KATNBL1: variants seen among roughly 807,000 people sequenced by gnomAD.
KATNBL1 encodes katanin regulatory subunit B1 like 1.
In KATNBL1, 28 loss-of-function variants were observed where a neutral mutation model predicts 44.7. The observed-to-expected ratio is 0.63, with a 90% CI of 0.46 to 0.86. KATNBL1 has a LOEUF of 0.86. KATNBL1 is among the 40% of genes least tolerant of loss of function. KATNBL1 has a pLI of 0.00. For missense variants in KATNBL1, 272 were observed against 350.7 expected (o/e 0.78, Z 1.79); for synonymous variants, 78 against 114.9 (o/e 0.68, Z 2.06).
rs893815227 is a variant in KATNBL1 at position 34,156,131 on chromosome 15, G to C, written c.118-1447C>G. ...ATCTGCTCGGGGGTGTATAAGGGCT[G>C]ACTGGTTGGTGAGCTCTTGGAAAGT... is the stretch of plus-strand genomic sequence containing the variant. On this transcript the variant is annotated intron_variant, in intron 2 of 9. Transcript: ENST00000256544. Among the ~76,000 whole-genome samples, 3 of 152,150 alleles carry C rather than the reference G, an allele frequency of 2.0e-5. No individual in the cohort carries two copies. In the South Asian group the frequency reaches 6.2e-4, roughly 32 times the overall value.
In KATNBL1 at chr15:34,152,965, T is replaced by G; in HGVS notation, c.263A>C (p.Gln88Pro). 1 of 1,614,156 alleles carries G rather than the reference T, an allele frequency of 6.2e-7. No individual in the cohort carries two copies. The highest frequency in any genetic ancestry group is 8.5e-7 in the Non-Finnish European group (1 of 1,179,980). ...PFPNPCYRKK[Q>P]SPGSGGCDMA... The stretch of plus-strand genomic sequence containing the variant: ...GTCACAGCCCCCACTTCCAGGGGAC[T>G]GTTTTTTTCTGTAACAAGGATTTGG... Residue 88 changes from glutamine (Q) to proline (P), a missense_variant, in exon 4 of 10, where the codon CAG (glutamine) becomes CCG (proline). By Grantham distance (76) the Gln-to-Pro change is moderately conservative. Around this residue, in one of 3 missense-constraint regions of KATNBL1, gnomAD observed 122 missense variants for 125.0 expected, o/e 0.98. Coordinates refer to ENST00000256544, the MANE Select transcript of KATNBL1 (RefSeq NM_024713.3).
In KATNBL1 at chr15:34,147,450, A is replaced by G. The variant is rs1320256801; in HGVS notation, c.558-20T>C. On this transcript the variant is annotated intron_variant, in intron 5 of 9. Coordinates refer to ENST00000256544, the MANE Select transcript of KATNBL1 (RefSeq NM_024713.3). The stretch of plus-strand genomic sequence containing the variant: ...TCTATCCTGAGAGTATAAAAAGAAT[A>G]GCATTGCCTTAGAGAGCTGATTTCC... 1 of 1,600,984 alleles carries G rather than the reference A, an allele frequency of 6.2e-7. No homozygotes were observed. Among genetic ancestry groups the G allele is most frequent in the East Asian group, 2.2e-5 (1 of 44,812 alleles).
intron 1 of KATNBL1, chr15:34,199,803 G>T (rs1348566616): frequency 6.6e-6 from 1 of 152,066 alleles, no homozygotes; most frequent in Non-Finnish European, 1.5e-5. Flanking sequence ...CCCAAACAGT[G>T]AGCAACAGCA....
intron 1 of KATNBL1, among the ~76,000 whole-genome samples, chr15:34,183,551 A>C (rs1411309750): frequency 6.6e-6 from 1 of 152,204 alleles, no homozygotes; most frequent in African/African-American, 2.4e-5. Flanking sequence ...ACTTTTTTAA[A>C]TCTATTAAAG....
intron 1 of KATNBL1, among the ~76,000 whole-genome samples, chr15:34,183,996 C>T (rs1458759887): frequency 1.3e-5 from 2 of 152,000 alleles, no homozygotes; most frequent in Non-Finnish European, 2.9e-5. Context: ...TGGTGAAACC[C>T]CATCTCTACT....
At chr15:34,153,454 A>C (rs1028630933) in intron 3 of KATNBL1, among the ~76,000 whole-genome samples, 3 of 152,236 alleles carry the variant, frequency 2.0e-5, no homozygotes, top group Non-Finnish European at 4.4e-5. Flanking sequence ...ATTAAGCTGA[A>C]GTATATTGAT....
intron 1 of KATNBL1, among the ~76,000 whole-genome samples, chr15:34,204,983 G>A (rs975738582): frequency 1.4e-4 from 21 of 151,702 alleles, no homozygotes; most frequent in African/African-American, 4.6e-4. Flanking sequence ...AAGGCAAAGA[G>A]GGACAGTTTT....
chr15:34,179,069 G>C (rs1283084187), intron 1 of KATNBL1, among the ~76,000 whole-genome samples: 2 of 152,338 alleles, frequency 1.3e-5, no homozygotes, highest in African/African-American at 4.8e-5. Flanking sequence ...TTCAAAGGCT[G>C]TTTTGTGAAG....
chr15:34,208,061 G>C (rs1487069309), intron 1 of KATNBL1, among the ~76,000 whole-genome samples: 1 of 152,118 alleles, frequency 6.6e-6, no homozygotes, highest in Non-Finnish European at 1.5e-5. Flanking sequence ...ATCTCCCTAA[G>C]GTTGGTTGTC....
chr15:34,143,464 C>CAAAAAAAAAAA, intron 9 of KATNBL1, among the ~76,000 whole-genome samples: 2 of 151,528 alleles, frequency 1.3e-5, no homozygotes, highest in African/African-American at 4.9e-5. Flanking sequence ...GATTCAGTCT[C>CAAAAAAAAAAA]AAAACAAAAA....
At chr15:34,193,110 G>A (rs1253431449) in intron 1 of KATNBL1, among the ~76,000 whole-genome samples, 2 of 151,146 alleles carry the variant, frequency 1.3e-5, no homozygotes, top group African/African-American at 2.4e-5. Context: ...CCAGCTACTC[G>A]GGAGGCTGAG....
Position 34,140,797 on chromosome 15 carries a change from G to A in KATNBL1, c.*1542C>T, listed in dbSNP as rs1032847164. ...ATAACTCACCTCTCAAATCACAGAC[G>A]TGCAATAATCTGAAATTATTATAAT... On this transcript the variant is annotated 3_prime_UTR_variant, in exon 10 of 10. Coordinates refer to ENST00000256544, the MANE Select transcript of KATNBL1 (RefSeq NM_024713.3). The A allele has an allele frequency of 2.0e-5, 3 of 152,012 alleles. No homozygotes were observed. Among genetic ancestry groups the A allele is most frequent in the Non-Finnish European group, 4.4e-5 (3 of 67,960 alleles). 9.4% of individuals were successfully genotyped at this position (152,012 alleles called of 1,614,324 possible). A position where few individuals can be genotyped will look rare whatever the true frequency, so the allele number is the denominator to read the frequency against.
intron 2 of KATNBL1, among the ~76,000 whole-genome samples, chr15:34,161,055 C>T (rs1054574165): frequency 1.3e-5 from 2 of 152,206 alleles, no homozygotes; most frequent in East Asian, 3.8e-4. Context: ...GACTCCTTTA[C>T]AGGAGGGCTG....
At chr15:34,154,287 A>T (rs1888571165) in intron 3 of KATNBL1, among the ~76,000 whole-genome samples, 1 of 152,254 alleles carries the variant, frequency 6.6e-6, no homozygotes. Flanking sequence ...TCACACTTTG[A>T]AAACCAGTCG....
At chr15:34,143,888 A>T (rs1391356602) in intron 9 of KATNBL1, among the ~76,000 whole-genome samples, 1 of 142,140 alleles carries the variant, frequency 7.0e-6, no homozygotes, top group Non-Finnish European at 1.5e-5. Flanking sequence ...AATGGCGTGA[A>T]CCTGGGAGGT....
At chr15:34,168,673 G>A (rs1368549851) in intron 1 of KATNBL1, among the ~76,000 whole-genome samples, 1 of 152,088 alleles carries the variant, frequency 6.6e-6, no homozygotes, top group African/African-American at 2.4e-5. Flanking sequence ...TTCCAAAATT[G>A]ACCACATAGT....
intron 1 of KATNBL1, among the ~76,000 whole-genome samples, chr15:34,206,871 G>C (rs146815201): frequency 2.0e-5 from 3 of 151,720 alleles, no homozygotes; most frequent in African/African-American, 7.2e-5. Context: ...AGTACCATTT[G>C]TATTAGGTTT....
chr15:34,204,061 C>T (rs1459884738), intron 1 of KATNBL1, among the ~76,000 whole-genome samples: 1 of 150,338 alleles, frequency 6.7e-6, no homozygotes, highest in Non-Finnish European at 1.5e-5. Context: ...GTGTGATTCA[C>T]TCCCATTACC....
At chr15:34,161,174 C>A (rs567031970) in intron 2 of KATNBL1, among the ~76,000 whole-genome samples, 35 of 152,342 alleles carry the variant, frequency 2.3e-4, no homozygotes, top group African/African-American at 7.9e-4. Flanking sequence ...GATACCCCGA[C>A]CACCAAGGAA....
Sources: gnomAD v4.1 joint callset for allele counts (sites outside exome capture counted in the v4.1 genomes callset) on GRCh38, gnomAD v4.1.1 for gene constraint, gnomAD v4.1.1 regional missense constraint, MANE v1.5 for transcripts, NCBI Gene and HGNC (gene_info 2026-07-23, HGNC 2026-07-21) for gene names.